CNTNAP5: variants seen among roughly 807,000 people sequenced by gnomAD.
CNTNAP5 encodes the protein contactin-associated protein-like 5.
In CNTNAP5, 72 loss-of-function variants were observed where a neutral mutation model predicts 150.2. The observed-to-expected ratio is 0.48, with a 90% CI of 0.40 to 0.58. CNTNAP5 has a LOEUF of 0.58. Ranked by LOEUF, CNTNAP5 falls within the 20% of genes least tolerant of loss-of-function variation. The pLI, the probability that CNTNAP5 is intolerant of heterozygous loss-of-function variation, is 0.00. For synonymous variants in CNTNAP5, 672 were observed against 619.8 expected, an observed-to-expected ratio of 1.08 and a Z score of -1.25; for missense variants, 1,636 against 1,626.2, an observed-to-expected ratio of 1.01 and a Z score of -0.10.
intron 11 of CNTNAP5, among the ~76,000 whole-genome samples, chr2:124,567,146 T>G (rs1212732302): frequency 6.6e-6 from 1 of 152,158 alleles, no homozygotes; most frequent in Non-Finnish European, 1.5e-5. Flanking sequence ...GAGGACAGAC[T>G]TAGGACAGAT....
intron 19 of CNTNAP5, among the ~76,000 whole-genome samples, chr2:124,860,048 T>G (rs13427883): frequency 0.065 from 9,836 of 151,148 alleles, 979 homozygotes; most frequent in African/African-American, 0.22. Flanking sequence ...TCCTAGAACT[T>G]AAAGTATAAA....
At chr2:124,844,347 C>G (rs528664108) in intron 19 of CNTNAP5, among the ~76,000 whole-genome samples, 256 of 152,190 alleles carry the variant, frequency 1.7e-3, no homozygotes, top group Non-Finnish European at 3.1e-3. Flanking sequence ...TTTCCAGGTT[C>G]TCTATTCTGT....
At chr2:124,212,984 G>T (rs1031463920) in intron 1 of CNTNAP5, among the ~76,000 whole-genome samples, 1 of 151,792 alleles carries the variant, frequency 6.6e-6, no homozygotes, top group Non-Finnish European at 1.5e-5. Flanking sequence ...GACTACAGGC[G>T]CCTGGCACCA....
chr2:124,890,875 CCTT>C (rs1460428642), intron 21 of CNTNAP5, among the ~76,000 whole-genome samples: 3 of 151,980 alleles, frequency 2.0e-5, no homozygotes, highest in Non-Finnish European at 4.4e-5. Flanking sequence ...TGGGGAGTCT[CCTT>C]CTACCGACAG....
At chr2:124,752,179 T>G (rs962516840) in intron 14 of CNTNAP5, among the ~76,000 whole-genome samples, 78 of 152,282 alleles carry the variant, frequency 5.1e-4, no homozygotes, top group Non-Finnish European at 9.8e-4. Context: ...TTAGGGAAAC[T>G]GGGGCATCTT....
chr2:124,127,481 T>A (rs1683734878), intron 1 of CNTNAP5, among the ~76,000 whole-genome samples: 1 of 152,180 alleles, frequency 6.6e-6, no homozygotes, highest in Non-Finnish European at 1.5e-5. Flanking sequence ...ATGGCCATAC[T>A]GCCCAAGGTA....
intron 3 of CNTNAP5, among the ~76,000 whole-genome samples, chr2:124,365,809 A>G (rs1431549023): frequency 6.6e-6 from 1 of 152,242 alleles, no homozygotes; most frequent in Non-Finnish European, 1.5e-5. Flanking sequence ...GTATGTTAAT[A>G]AGTGTATGCT....
At chr2:124,642,209 A>C (rs1472581794) in intron 12 of CNTNAP5, among the ~76,000 whole-genome samples, 1 of 152,106 alleles carries the variant, frequency 6.6e-6, no homozygotes, top group Non-Finnish European at 1.5e-5. Context: ...GCGAATACAA[A>C]ATGTTTCAGA....
rs878989351 is a variant in CNTNAP5, at chr2:124,386,471, C to T, written c.382-30972C>T. Among the ~76,000 whole-genome samples, 2 of 152,234 alleles carry T rather than the reference C, an allele frequency of 1.3e-5. 1 individual carries two copies. Among genetic ancestry groups the T allele is most frequent in the Admixed American group, 1.3e-4 (2 of 15,290 alleles). On this transcript the variant is annotated intron_variant, in intron 3 of 23. Coordinates refer to ENST00000682447, the MANE Select transcript of CNTNAP5 (RefSeq NM_001367498.1). ...AGGGATAGTGATGTTGCTACCTCATCAAGCAGTCTCTTCCATAGTTGAACG... is the reference window on the plus strand; with the variant it reads ...AGGGATAGTGATGTTGCTACCTCATTAAGCAGTCTCTTCCATAGTTGAACG...
Position 124,894,806 on chromosome 2 carries a change from G to A in CNTNAP5, c.3437-8076G>A, listed in dbSNP as rs544237347. On this transcript the variant is annotated intron_variant, in intron 21 of 23. Coordinates refer to ENST00000682447, the MANE Select transcript of CNTNAP5 (RefSeq NM_001367498.1). ...GGGATCAAGCAATCCTCCTGCCTTGGCTTCCCAAAGTACTGGGATTATAAG... is the reference window on the plus strand; with the variant it reads ...GGGATCAAGCAATCCTCCTGCCTTGACTTCCCAAAGTACTGGGATTATAAG... Among the ~76,000 whole-genome samples the A allele has an allele frequency of 1.4e-4, 21 of 151,372 alleles. 2 individuals carry two copies. Among genetic ancestry groups the A allele is most frequent in the African/African-American group, 5.1e-4 (21 of 40,786 alleles).
intron 13 of CNTNAP5, among the ~76,000 whole-genome samples, chr2:124,732,084 C>A (rs764789504): frequency 6.6e-6 from 1 of 152,010 alleles, no homozygotes; most frequent in Non-Finnish European, 1.5e-5. Flanking sequence ...TATTACAATG[C>A]AAAATAGCAG....
At chr2:124,553,268 C>T (rs150286424) in intron 10 of CNTNAP5, among the ~76,000 whole-genome samples, 1 of 152,250 alleles carries the variant, frequency 6.6e-6, no homozygotes, top group African/African-American at 2.4e-5. Flanking sequence ...CTTTGGGAGG[C>T]CGAGGCAGGC....
At chr2:124,782,900 T>C (rs765784348) in intron 17 of CNTNAP5, among the ~76,000 whole-genome samples, 10 of 152,176 alleles carry the variant, frequency 6.6e-5, no homozygotes, top group Non-Finnish European at 1.3e-4. Context: ...ACCTATACTA[T>C]GCCCATTGAG....
intron 1 of CNTNAP5, among the ~76,000 whole-genome samples, chr2:124,122,971 C>A (rs554944891): frequency 5.6e-4 from 85 of 152,002 alleles, no homozygotes; most frequent in South Asian, 8.3e-4. Flanking sequence ...CAAATAGGAA[C>A]AGCTGCAGTC....
At chr2:124,661,017 C>T (rs1021808423) in intron 13 of CNTNAP5, among the ~76,000 whole-genome samples, 14 of 150,848 alleles carry the variant, frequency 9.3e-5, no homozygotes, top group Non-Finnish European at 1.5e-4. Context: ...ACAGAGCTTT[C>T]AGGACTAAAA....
chr2:124,546,827 T>C (rs1421611754), intron 10 of CNTNAP5, among the ~76,000 whole-genome samples: 1 of 152,202 alleles, frequency 6.6e-6, no homozygotes, highest in African/African-American at 2.4e-5. Flanking sequence ...TGATTTTAAC[T>C]GACCACTTGA....
intron 13 of CNTNAP5, among the ~76,000 whole-genome samples, chr2:124,732,760 AC>A (rs1324904012): frequency 2.6e-5 from 4 of 152,166 alleles, no homozygotes; most frequent in Admixed American, 2.6e-4. Context: ...CTTATTTCAA[AC>A]TTTAATTTAT....
At chr2:124,846,557 A>C (rs1413431255) in intron 19 of CNTNAP5, among the ~76,000 whole-genome samples, 1 of 151,972 alleles carries the variant, frequency 6.6e-6, no homozygotes, top group Non-Finnish European at 1.5e-5. Flanking sequence ...TGACCTTCTG[A>C]GTTCTTTTTG....
chr2:124,191,234 C>T (rs1323471455), intron 1 of CNTNAP5, among the ~76,000 whole-genome samples: 1 of 152,170 alleles, frequency 6.6e-6, no homozygotes, highest in East Asian at 1.9e-4. Flanking sequence ...CCATATGACA[C>T]AGATCTGGTT....
Sources: allele counts gnomAD v4.1 joint callset (sites outside exome capture counted in the v4.1 genomes callset), GRCh38; gene constraint gnomAD v4.1.1; transcripts MANE v1.5; gene names NCBI Gene and HGNC (gene_info 2026-07-23, HGNC 2026-07-21).